Variants in EXOC6 observed in about 807,000 individuals in gnomAD.
EXOC6 encodes exocyst complex component 6.
EXOC6 carries 60 observed loss-of-function variants against 112.5 expected under a neutral mutation model. The observed-to-expected ratio is 0.53, with a 90% CI of 0.43 to 0.66. The LOEUF is 0.66. Among genes scored for constraint, EXOC6 ranks in the 30% least tolerant of loss-of-function variants. The probability of loss-of-function intolerance (pLI) is 0.00; values close to 1 mark genes in which losing one functional copy is unlikely to be tolerated. For missense variants in EXOC6, 855 were observed against 957.1 expected (o/e 0.89, Z 1.41); for synonymous variants, 295 against 308.0 (o/e 0.96, Z 0.44).
chr10:92,848,647 T>C lies in EXOC6; in HGVS notation c.101+13T>C. On this transcript the variant is annotated intron_variant, in intron 1 of 21. Coordinates refer to ENST00000260762, the MANE Select transcript of EXOC6 (RefSeq NM_019053.6). ...GGCCCACCCTCCGGTAAAGATCTCA[T>C]CCCACCGGGACTTCGGCCCCCCGCC... 1 of 1,375,570 alleles carries C rather than the reference T, an allele frequency of 7.3e-7. No individual in the cohort carries two copies. Among genetic ancestry groups the C allele is most frequent in the Non-Finnish European group, 9.6e-7 (1 of 1,043,150 alleles). The allele number at this position is 1,375,570 out of a possible 1,614,324, so 85.2% of individuals were successfully genotyped here. A position where few individuals can be genotyped will look rare whatever the true frequency, so the allele number is the denominator to read the frequency against.
intron 1 of EXOC6, among the ~76,000 whole-genome samples, chr10:92,871,596 T>C (rs1215984987): frequency 6.6e-6 from 1 of 151,062 alleles, no homozygotes; most frequent in African/African-American, 2.4e-5. Flanking sequence ...CACTTGAGTC[T>C]AGGAGATCGA....
At chr10:92,909,780 A>G (rs1318274022) in intron 6 of EXOC6, 149 bp downstream of exon 6, 2 of 587,420 alleles carry the variant, frequency 3.4e-6, no homozygotes, top group South Asian at 4.8e-5. Context: ...AAAGGATTCT[A>G]TCAGTGTTTT....
chr10:92,965,412 G>T (rs1202810731), intron 17 of EXOC6, among the ~76,000 whole-genome samples: 1 of 151,968 alleles, frequency 6.6e-6, no homozygotes, highest in Non-Finnish European at 1.5e-5. Context: ...CCTCCAGAGG[G>T]CACTATTTCC....
At position 92,967,423 on chromosome 10, in the gene EXOC6, A is replaced by G. The variant is rs138009366; in HGVS notation, c.1774-6630A>G. ...CCCTCAACTTTTGGTTAATATTTCA[A>G]TTGTCCCATATTGCTTTTTTAAATC... On this transcript the variant is annotated intron_variant, in intron 17 of 21. Transcript: ENST00000260762. Among the ~76,000 whole-genome samples the G allele has an allele frequency of 4.4e-4, 67 of 152,226 alleles. No individual in the cohort carries two copies. In the East Asian group the frequency reaches 0.01, roughly 23 times the overall value.
chr10:92,892,650 G>C lies in EXOC6; in HGVS notation c.102-699G>C, dbSNP rs543056768. Among the ~76,000 whole-genome samples, 48 of 152,318 alleles carry C rather than the reference G, an allele frequency of 3.2e-4. 1 individual carries two copies. The highest frequency in any genetic ancestry group is 7.8e-4 in the Admixed American group (12 of 15,298). The stretch of plus-strand genomic sequence containing the variant: ...GGTATGCCAAAGGCTTTCCTCCCAG[G>C]AATCAGTGGCAAGGGTAGTCCTTTA... On this transcript the variant is annotated intron_variant, in intron 1 of 21. Transcript: ENST00000260762.
upstream of EXOC6, among the ~76,000 whole-genome samples, chr10:92,847,784 G>C (rs1847108242): frequency 6.6e-6 from 1 of 150,630 alleles, no homozygotes. Context: ...ACTCTGACCT[G>C]GGGGCACCTG....
In EXOC6 at chr10:92,896,194, T is replaced by A. The variant is rs34973852; in HGVS notation, c.412+1174T>A. Among the ~76,000 whole-genome samples, 59 of 19,716 alleles carry A rather than the reference T, an allele frequency of 3.0e-3. 1 individual carries two copies. Among genetic ancestry groups the A allele is most frequent in the Non-Finnish European group, 3.5e-3 (41 of 11,572 alleles). 12.9% of individuals were successfully genotyped at this position (19,716 alleles called of 152,430 possible). ...ATATATATATATATTTTTTTTTTTT[T>A]TTTTTTTTTTTTTTTTTTTTTTTGG... is the stretch of plus-strand genomic sequence containing the variant. On this transcript the variant is annotated intron_variant, in intron 4 of 21. Coordinates refer to ENST00000260762, the MANE Select transcript of EXOC6 (RefSeq NM_019053.6).
intron 18 of EXOC6, among the ~76,000 whole-genome samples, chr10:92,975,905 T>C (rs1589956118): frequency 3.2e-5 from 4 of 123,390 alleles, no homozygotes; most frequent in Non-Finnish European, 6.9e-5. Context: ...AGCCGCCCCG[T>C]CCGGGAGGGA....
chr10:92,845,949 A>T (rs1305589881), upstream of EXOC6, among the ~76,000 whole-genome samples: 2 of 152,202 alleles, frequency 1.3e-5, no homozygotes, highest in Non-Finnish European at 2.9e-5. Flanking sequence ...GAAAAAACCA[A>T]CCAAACAAAC....
chr10:92,889,840 C>T (rs938258600), intron 1 of EXOC6, among the ~76,000 whole-genome samples: 2 of 151,998 alleles, frequency 1.3e-5, no homozygotes, highest in Admixed American at 6.6e-5. Context: ...GTCTCAAACT[C>T]CTGGGCTCAA....
chr10:93,003,484 G>A (rs1470719897), intron 19 of EXOC6, among the ~76,000 whole-genome samples: 1 of 152,148 alleles, frequency 6.6e-6, no homozygotes, highest in Non-Finnish European at 1.5e-5. Context: ...TGTGACGGGT[G>A]ACACACGTAC....
chr10:92,869,287 C>T (rs1289268013), intron 1 of EXOC6, among the ~76,000 whole-genome samples: 1 of 151,072 alleles, frequency 6.6e-6, no homozygotes, highest in Non-Finnish European at 1.5e-5. Context: ...CAGGCATGAG[C>T]CACCATGGCA....
intron 1 of EXOC6, among the ~76,000 whole-genome samples, chr10:92,843,263 G>A (rs377700575): frequency 2.1e-4 from 32 of 152,258 alleles, no homozygotes; most frequent in Non-Finnish European, 3.8e-4. Context: ...TGCACTTACA[G>A]AGTGTGGCCA....
chr10:92,926,745 G>A (rs1766297430), intron 8 of EXOC6, among the ~76,000 whole-genome samples: 1 of 152,026 alleles, frequency 6.6e-6, no homozygotes, highest in African/African-American at 2.4e-5. Flanking sequence ...CGTTGCCCAG[G>A]CTGGTCTCAA....
chr10:92,895,686 CTTTTT>C (rs1849711724), intron 4 of EXOC6, among the ~76,000 whole-genome samples: 4 of 151,482 alleles, frequency 2.6e-5, no homozygotes, highest in African/African-American at 9.7e-5. Context: ...GACTTTTTTT[CTTTTT>C]ATTTATTTTA....
At chr10:92,953,289 G>C (rs771235104) in intron 15 of EXOC6, among the ~76,000 whole-genome samples, 2 of 152,054 alleles carry the variant, frequency 1.3e-5, no homozygotes, top group Non-Finnish European at 2.9e-5. Flanking sequence ...ATGTTGGTCA[G>C]GCTGGTTTTG....
intron 19 of EXOC6, among the ~76,000 whole-genome samples, chr10:93,004,303 C>T (rs914252452): frequency 6.6e-6 from 1 of 151,936 alleles, no homozygotes; most frequent in African/African-American, 2.4e-5. Context: ...GTGCTATGCT[C>T]ATAATAAAAG....
rs578160534 is a variant in EXOC6 at position 92,870,598 on chromosome 10, C to T, written c.101+21964C>T. 2.0e-4 allele frequency among the ~76,000 whole-genome samples: 31 copies of T among 152,252 alleles called. No homozygotes were observed. The South Asian group carries it at 6.2e-3, about 31-fold the overall frequency. ...ACTTTGTAGTTTGCACTTTGGTGCA[C>T]TTTGCACATTGGTACAGACTTTTTC... is the stretch of plus-strand genomic sequence containing the variant. On this transcript the variant is annotated intron_variant, in intron 1 of 21. Transcript: ENST00000260762.
Position 92,894,850 on chromosome 10 carries a change from A to G in EXOC6, c.321+9A>G. On this transcript the variant is annotated intron_variant, in intron 3 of 21. Transcript: ENST00000260762. ...AAGATGCTGGAAAAGAGGTGAGAAAATGATACTTTTCTGGGTATTCAGTAT... is the reference window on the plus strand; with the variant it reads ...AAGATGCTGGAAAAGAGGTGAGAAAGTGATACTTTTCTGGGTATTCAGTAT... The G allele has an allele frequency of 6.2e-7, 1 of 1,613,426 alleles. No individual in the cohort carries two copies. Among genetic ancestry groups the G allele is most frequent in the Admixed American group, 1.7e-5 (1 of 59,974 alleles).
Sources: gnomAD v4.1 joint callset for allele counts (sites outside exome capture counted in the v4.1 genomes callset) on GRCh38, gnomAD v4.1.1 for gene constraint, MANE v1.5 for transcripts, NCBI Gene and HGNC (gene_info 2026-07-23, HGNC 2026-07-21) for gene names.